The following CFDP1 variants were observed in gnomAD, a reference collection of about 807,000 sequenced individuals.
CFDP1 encodes the protein chromatin remodeling protein CFDP1.
CFDP1 carries 31 observed loss-of-function variants against 40.1 expected under a neutral mutation model. The ratio of observed to expected loss-of-function variants is 0.77; its 90% CI spans 0.58 to 1.04. CFDP1 has a LOEUF of 1.04. Ranked by LOEUF, CFDP1 falls within the 50% of genes least tolerant of loss-of-function variation. The pLI is 0.00. For missense variants in CFDP1, 423 were observed against 343.4 expected (o/e 1.23, Z -1.83); for synonymous variants, 167 against 120.0 (o/e 1.39, Z -2.56).
intron 6 of CFDP1, among the ~76,000 whole-genome samples, chr16:75,294,476 G>A (rs900884099): frequency 6.6e-6 from 1 of 152,108 alleles, no homozygotes; most frequent in East Asian, 1.9e-4. Context: ...GTGGGTAAGA[G>A]AAAGCTAGGC....
chr16:75,301,228 T>C (rs1359921608), intron 6 of CFDP1, among the ~76,000 whole-genome samples: 1 of 152,146 alleles, frequency 6.6e-6, no homozygotes, highest in Non-Finnish European at 1.5e-5. Context: ...CTACTTTATA[T>C]ATGAAGAAAA....
At position 75,299,372 on chromosome 16, in the gene CFDP1, G is replaced by A. The variant is rs117477971; in HGVS notation, c.810-5330C>T. The stretch of plus-strand genomic sequence containing the variant: ...GGAGGCTGAGGTGGGTGGATCATGT[G>A]GTCAGGAAATCCAGACCATCCTGGT... On this transcript the variant is annotated intron_variant, in intron 6 of 6. Coordinates refer to ENST00000283882, the MANE Select transcript of CFDP1 (RefSeq NM_006324.3). 2.0e-4 allele frequency among the ~76,000 whole-genome samples: 31 copies of A among 151,496 alleles called. No homozygotes were observed. The East Asian group carries it at 5.6e-3, about 28-fold the overall frequency.
intron 4 of CFDP1, among the ~76,000 whole-genome samples, chr16:75,402,857 G>A (rs2151573444): frequency 6.6e-6 from 1 of 152,008 alleles, no homozygotes; most frequent in African/African-American, 2.4e-5. Context: ...ACTATTAACA[G>A]GGTTTTTGTT....
At chr16:75,392,203 A>T (rs138449165) in intron 5 of CFDP1, among the ~76,000 whole-genome samples, 1 of 152,046 alleles carries the variant, frequency 6.6e-6, no homozygotes, top group African/African-American at 2.4e-5. Flanking sequence ...CAGGAGTTCA[A>T]GACTAGCCTG....
intron 5 of CFDP1, among the ~76,000 whole-genome samples, chr16:75,388,434 T>C (rs1567667006): frequency 6.6e-6 from 1 of 152,174 alleles, no homozygotes; most frequent in Non-Finnish European, 1.5e-5. Flanking sequence ...GGGAAACATG[T>C]TACCCTAGAG....
intron 4 of CFDP1, among the ~76,000 whole-genome samples, chr16:75,402,593 T>G (rs1256116298): frequency 6.6e-6 from 1 of 152,218 alleles, no homozygotes; most frequent in Non-Finnish European, 1.5e-5. Context: ...CACTTAGACC[T>G]ACAAATTCCT....
intron 5 of CFDP1, among the ~76,000 whole-genome samples, chr16:75,353,270 T>C (rs1368154295): frequency 1.3e-5 from 2 of 152,216 alleles, no homozygotes; most frequent in East Asian, 3.8e-4. Flanking sequence ...TTTGGTAATA[T>C]CATGAAGACA....
At chr16:75,339,976 G>A (rs940628672) in intron 5 of CFDP1, among the ~76,000 whole-genome samples, 5 of 152,110 alleles carry the variant, frequency 3.3e-5, no homozygotes, top group Non-Finnish European at 7.4e-5. Context: ...AAATCTTCCT[G>A]TTACTTTTTA....
intron 6 of CFDP1, among the ~76,000 whole-genome samples, chr16:75,301,272 G>A (rs774014316): frequency 1.3e-5 from 2 of 152,150 alleles, no homozygotes; most frequent in African/African-American, 2.4e-5. Context: ...GAAGAGCCAA[G>A]ATTTGAATTG....
intron 1 of CFDP1, among the ~76,000 whole-genome samples, chr16:75,429,032 G>A (rs1209402643): frequency 3.3e-5 from 5 of 151,408 alleles, no homozygotes; most frequent in Admixed American, 6.6e-5. Flanking sequence ...TGGGAGAGTT[G>A]CTTAAACCCG....
intron 5 of CFDP1, among the ~76,000 whole-genome samples, chr16:75,314,951 CA>C (rs2078315071): frequency 1.3e-5 from 2 of 152,200 alleles, no homozygotes; most frequent in South Asian, 4.2e-4. Context: ...GGGGTTTCAC[CA>C]TGTTGGCCAG....
intron 5 of CFDP1, among the ~76,000 whole-genome samples, chr16:75,379,517 C>T (rs964264392): frequency 6.6e-6 from 1 of 152,070 alleles, no homozygotes; most frequent in African/African-American, 2.4e-5. Flanking sequence ...TATGAAAGAG[C>T]CCTGTAACTA....
chr16:75,423,006 C>T (rs2079297231), intron 1 of CFDP1, among the ~76,000 whole-genome samples: 1 of 151,958 alleles, frequency 6.6e-6, no homozygotes, highest in Non-Finnish European at 1.5e-5. Context: ...TTAGGCCGGG[C>T]GCAGTGGCTC....
intron 5 of CFDP1, among the ~76,000 whole-genome samples, chr16:75,351,628 G>A (rs2151526450): frequency 6.6e-6 from 1 of 152,308 alleles, no homozygotes; most frequent in South Asian, 2.1e-4. Flanking sequence ...TAGTTACTAT[G>A]GAGGAGGTTA....
At position 75,378,369 on chromosome 16, in the gene CFDP1, G is replaced by A. The variant is rs145838261; in HGVS notation, c.650+16721C>T. Among the ~76,000 whole-genome samples the A allele has an allele frequency of 2.6e-4, 40 of 152,066 alleles. No homozygotes were observed. In the East Asian group the frequency reaches 7.0e-3, roughly 26 times the overall value. The stretch of plus-strand genomic sequence containing the variant: ...CAGACATTTACAGTCTGTTTTTGGG[G>A]TCAGCTACTTGCTGAACACAAGCTA... On this transcript the variant is annotated intron_variant, in intron 5 of 6. Transcript: ENST00000283882.
chr16:75,414,740 A>C, intron 1 of CFDP1, 45 bp from the exon 2 acceptor site: 2 of 1,276,542 alleles, frequency 1.6e-6, no homozygotes, highest in Non-Finnish European at 2.3e-6. Flanking sequence ...AAAGGTTTTC[A>C]CATCAAGATG....
chr16:75,409,618 T>C (rs1282256958), intron 4 of CFDP1, among the ~76,000 whole-genome samples: 2 of 152,188 alleles, frequency 1.3e-5, no homozygotes, highest in Non-Finnish European at 1.5e-5. Context: ...CTTTACTGAA[T>C]ATGAGAGTTA....
At chr16:75,422,719 T>TA (rs1351246715) in intron 1 of CFDP1, among the ~76,000 whole-genome samples, 3 of 141,474 alleles carry the variant, frequency 2.1e-5, no homozygotes, top group African/African-American at 8.0e-5. Flanking sequence ...AAAACTGTGA[T>TA]CAAAAAAAAA....
At chr16:75,393,737 CAAAAAAAAAAAAA>C (rs61344775) in intron 5 of CFDP1, among the ~76,000 whole-genome samples, 24 of 80,614 alleles carry the variant, frequency 3.0e-4, no homozygotes, top group African/African-American at 8.7e-4. Flanking sequence ...GACTCCGTCG[CAAAAAAAAAAAAA>C]AAAAAAAAAA....
Sources: allele counts gnomAD v4.1 joint callset (sites outside exome capture counted in the v4.1 genomes callset), GRCh38; gene constraint gnomAD v4.1.1; transcripts MANE v1.5; gene names NCBI Gene and HGNC (gene_info 2026-07-23, HGNC 2026-07-21).